Variants in ATG7 observed in about 807,000 individuals in gnomAD.
ATG7 encodes ubiquitin-like modifier-activating enzyme ATG7.
ATG7 carries 70 observed loss-of-function variants against 82.4 expected under a neutral mutation model. The observed-to-expected ratio is 0.85, with a 90% CI of 0.70 to 1.04. The LOEUF (loss-of-function observed/expected upper bound fraction) is 1.04. Among genes scored for constraint, ATG7 ranks in the 50% least tolerant of loss-of-function variants. The pLI is 0.00. For synonymous variants in ATG7, 287 were observed against 313.0 expected (o/e 0.92, Z 0.88); for missense variants, 792 against 864.3 (o/e 0.92, Z 1.05).
At chr3:11,327,166 G>T (rs1204078560) in intron 9 of ATG7, among the ~76,000 whole-genome samples, 1 of 152,154 alleles carries the variant, frequency 6.6e-6, no homozygotes, top group East Asian at 1.9e-4. Flanking sequence ...CTGTGCTTAG[G>T]TAACTAGAGA....
chr3:11,484,613 A>C (rs1237766761), intron 20 of ATG7, among the ~76,000 whole-genome samples: 3 of 152,096 alleles, frequency 2.0e-5, no homozygotes, highest in Non-Finnish European at 1.5e-5. Context: ...GGTTAGTTAC[A>C]TATGTATACA....
intron 9 of ATG7, among the ~76,000 whole-genome samples, chr3:11,328,534 A>T (rs1048630025): frequency 6.6e-6 from 1 of 152,262 alleles, no homozygotes; most frequent in African/African-American, 2.4e-5. Flanking sequence ...AATTTTAGGA[A>T]TAAGAAAATT....
downstream of ATG7, chr3:11,558,239 C>G (rs567702089): frequency 2.3e-5 from 10 of 428,734 alleles, no homozygotes; most frequent in African/African-American, 1.8e-4. Flanking sequence ...ACTGAGAAAG[C>G]GCTGTGGAGT....
chr3:11,408,793 C>T lies in ATG7; in HGVS notation c.1957-18011C>T, dbSNP rs1185536394. On this transcript the variant is annotated intron_variant, in intron 19 of 20. Transcript: ENST00000693202. The stretch of plus-strand genomic sequence containing the variant: ...ATGATTCAGTAGTCTCCCACTGGGT[C>T]CTTCCCATAACACATTGGAATTATG... Among the ~76,000 whole-genome samples, 3 of 152,154 alleles carry T rather than the reference C, an allele frequency of 2.0e-5. No individual in the cohort carries two copies. The East Asian group carries it at 5.8e-4, about 29-fold the overall frequency.
chr3:11,532,634 C>A (rs1244463743), intron 20 of ATG7, among the ~76,000 whole-genome samples: 2 of 152,156 alleles, frequency 1.3e-5, no homozygotes, highest in Non-Finnish European at 2.9e-5. Flanking sequence ...GAGGCAGGAA[C>A]ACTGCTTGAG....
At chr3:11,477,808 A>C (rs530046574) in intron 20 of ATG7, among the ~76,000 whole-genome samples, 1 of 152,334 alleles carries the variant, frequency 6.6e-6, no homozygotes, top group African/African-American at 2.4e-5. Context: ...TTCTCTGTCC[A>C]TGTCTCAGCT....
chr3:11,458,400 A>T (rs978248149), intron 20 of ATG7, among the ~76,000 whole-genome samples: 2 of 151,948 alleles, frequency 1.3e-5, no homozygotes, highest in Admixed American at 6.6e-5. Flanking sequence ...AGTAGCTGGG[A>T]CTACAGGCGC....
chr3:11,451,212 CTTTTT>C (rs34036551), intron 20 of ATG7, among the ~76,000 whole-genome samples: 1 of 120,546 alleles, frequency 8.3e-6, no homozygotes, highest in Admixed American at 8.3e-5. Context: ...AAGGTTGACA[CTTTTT>C]TTTTTTTTTT....
At chr3:11,537,039 C>T (rs1451003734) in intron 20 of ATG7, among the ~76,000 whole-genome samples, 3 of 152,150 alleles carry the variant, frequency 2.0e-5, no homozygotes, top group African/African-American at 4.8e-5. Flanking sequence ...CCCCTCTCCG[C>T]GGACCCTCTG....
At chr3:11,434,296 C>G (rs2083172695) in intron 20 of ATG7, among the ~76,000 whole-genome samples, 1 of 152,212 alleles carries the variant, frequency 6.6e-6, no homozygotes, top group Non-Finnish European at 1.5e-5. Context: ...CCAGCAGAAG[C>G]TGTGGGAAAC....
intron 8 of ATG7, among the ~76,000 whole-genome samples, chr3:11,314,667 C>G (rs1949143391): frequency 6.6e-6 from 1 of 152,148 alleles, no homozygotes; most frequent in Non-Finnish European, 1.5e-5. Context: ...CGGTGGCTCA[C>G]AACTATAGTG....
chr3:11,317,030 TG>T (rs1252528808), intron 9 of ATG7, among the ~76,000 whole-genome samples: 1 of 152,168 alleles, frequency 6.6e-6, no homozygotes, highest in African/African-American at 2.4e-5. Context: ...TTATTAGAGA[TG>T]GGGTTTCACC....
intron 20 of ATG7, among the ~76,000 whole-genome samples, chr3:11,437,859 T>C (rs1267839853): frequency 1.3e-5 from 2 of 152,246 alleles, no homozygotes; most frequent in African/African-American, 2.4e-5. Context: ...CATTCTCTGA[T>C]GTAAACAGAG....
At chr3:11,434,536 G>GC (rs2083196186) in intron 20 of ATG7, among the ~76,000 whole-genome samples, 1 of 152,304 alleles carries the variant, frequency 6.6e-6, no homozygotes, top group Non-Finnish European at 1.5e-5. Flanking sequence ...GCAGAAACAG[G>GC]CAGAAAGCCA....
chr3:11,553,616 T>G (rs1293242196), intron 20 of ATG7, among the ~76,000 whole-genome samples: 1 of 152,164 alleles, frequency 6.6e-6, no homozygotes, highest in Non-Finnish European at 1.5e-5. Context: ...TAGGGACACC[T>G]GGTCACTGGA....
intron 19 of ATG7, among the ~76,000 whole-genome samples, chr3:11,418,412 C>A (rs560663833): frequency 1.1e-4 from 17 of 152,280 alleles, no homozygotes; most frequent in Admixed American, 2.6e-4. Context: ...CTGTCCCCAA[C>A]CAACATATTT....
intron 20 of ATG7, among the ~76,000 whole-genome samples, chr3:11,527,063 G>GTA (rs1210882299): frequency 9.6e-6 from 1 of 104,376 alleles, no homozygotes; most frequent in African/African-American, 4.0e-5. Context: ...GTGTGTGTGT[G>GTA]TGTGTGTGTA....
At chr3:11,526,936 T>G (rs935276876) in intron 20 of ATG7, among the ~76,000 whole-genome samples, 4 of 151,886 alleles carry the variant, frequency 2.6e-5, no homozygotes, top group African/African-American at 9.7e-5. Context: ...TAAAAAACTT[T>G]TTCTGCATCT....
At chr3:11,539,859 A>G (rs937873211) in intron 20 of ATG7, among the ~76,000 whole-genome samples, 1 of 152,254 alleles carries the variant, frequency 6.6e-6, no homozygotes, top group South Asian at 2.1e-4. Flanking sequence ...CCTGCCCTGC[A>G]CAGCCGCCTG....
Sources: gnomAD v4.1 joint callset for allele counts (sites outside exome capture counted in the v4.1 genomes callset) on GRCh38, gnomAD v4.1.1 for gene constraint, MANE v1.5 for transcripts, NCBI Gene and HGNC (gene_info 2026-07-23, HGNC 2026-07-21) for gene names.